The following ZNF782 variants were observed in gnomAD, a reference collection of about 807,000 sequenced individuals.
ZNF782 encodes the protein zinc finger protein 782.
In ZNF782, 12 loss-of-function variants were observed where a neutral mutation model predicts 13.0. The observed-to-expected ratio is 0.92, with a 90% CI of 0.59 to 1.50. The LOEUF is 1.50. Ranked by LOEUF, ZNF782 falls within the 40% of genes most tolerant of loss-of-function variation. The pLI, the probability that ZNF782 is intolerant of heterozygous loss-of-function variation, is 0.00. For missense variants in ZNF782, 770 were observed against 822.9 expected (o/e 0.94, Z 0.79); for synonymous variants, 284 against 283.0 (o/e 1.00, Z -0.04).
Position 96,862,993 on chromosome 9 carries a change from C to T in ZNF782, c.-456-1390G>A, listed in dbSNP as rs115487288. ...CTCCAGAAGCAGTGGTGGCAGAGGC[C>T]AGCTCCAAGATGCCCAGTTCTACAC... On this transcript the variant is annotated intron_variant, in intron 1 of 5. Coordinates refer to the ZNF782 transcript ENST00000498811. Among the ~76,000 whole-genome samples, 791 of 151,992 alleles carry T rather than the reference C, an allele frequency of 5.2e-3. 10 individuals carry two copies. The highest frequency in any genetic ancestry group is 0.017 in the African/African-American group (695 of 41,420).
chr9:96,832,766 T>C (rs1190370373), intron 4 of ZNF782, among the ~76,000 whole-genome samples: 4 of 152,234 alleles, frequency 2.6e-5, no homozygotes, highest in Admixed American at 2.6e-4. Context: ...TCTTTAGTTG[T>C]CAGAAGTTTC....
Position 96,819,194 on chromosome 9 carries a change from C to T in ZNF782, c.829G>A (p.Gly277Arg), listed in dbSNP as rs1460887434. Residue 277 changes from glycine to arginine, a missense_variant, in exon 6 of 6, where the codon GGA (glycine) becomes AGA (arginine). Physicochemically the swap from Gly to Arg is moderately radical, Grantham distance 125. Coordinates refer to ENST00000481138, the MANE Select transcript of ZNF782 (RefSeq NM_001001662.3). ...EKSHYEFNDT[G>R]NCFCRITHKT... is the part of the protein sequence containing the mutation. Reference sequence around the variant, plus strand: ...TGAGTGATTCTACAGAAACAATTTCCAGTATCATTAAACTCATAGTGACTC... The same window carrying T: ...TGAGTGATTCTACAGAAACAATTTCTAGTATCATTAAACTCATAGTGACTC... The T allele has an allele frequency of 1.2e-6, 2 of 1,611,436 alleles. No homozygotes were observed.
chr9:96,903,413 G>GT, the ZNF782 span, among the ~76,000 whole-genome samples: 2 of 151,688 alleles, frequency 1.3e-5, no homozygotes, highest in Non-Finnish European at 2.9e-5. Context: ...CTGTATGGAT[G>GT]TACCAAAGAT....
chr9:96,819,820 C>A (rs1209437358), intron 5 of ZNF782, 42 bp from the exon 6 acceptor site: 1 of 1,472,322 alleles, frequency 6.8e-7, no homozygotes, highest in Non-Finnish European at 9.1e-7. Context: ...ATATTTAACA[C>A]ATTTCTTATG....
intron 1 of ZNF782, among the ~76,000 whole-genome samples, chr9:96,868,228 T>C (rs1181204041): frequency 6.6e-6 from 1 of 152,374 alleles, no homozygotes; most frequent in Admixed American, 6.5e-5. Context: ...AGGATTTCCC[T>C]GTAGGGGGAG....
intron 1 of ZNF782, among the ~76,000 whole-genome samples, chr9:96,867,022 G>T (rs1851763310): frequency 6.6e-6 from 1 of 152,196 alleles, no homozygotes; most frequent in African/African-American, 2.4e-5. Flanking sequence ...GACTTGCCTT[G>T]TCTCAGATGA....
upstream of ZNF782, among the ~76,000 whole-genome samples, chr9:96,858,633 G>A (rs1303569977): frequency 6.6e-6 from 1 of 152,188 alleles, no homozygotes. The surrounding 1 kb of genome is among the most constrained non-coding windows in gnomAD (Gnocchi z 4.4). Flanking sequence ...TGTGGGTGAC[G>A]CTTAGGAAAA....
intron 4 of ZNF782, among the ~76,000 whole-genome samples, chr9:96,843,365 G>A (rs1321375287): frequency 3.3e-5 from 5 of 152,112 alleles, no homozygotes; most frequent in African/African-American, 7.2e-5. Flanking sequence ...AATGAACTAC[G>A]GATACACTAC....
chr9:96,927,370 C>T, the ZNF782 span, among the ~76,000 whole-genome samples: 2 of 151,772 alleles, frequency 1.3e-5, no homozygotes, highest in Admixed American at 6.6e-5. Context: ...AAGAAAAAGA[C>T]GGTGTTCTGC....
the ZNF782 span, among the ~76,000 whole-genome samples, chr9:96,907,504 A>G: frequency 1.3e-5 from 2 of 152,300 alleles, no homozygotes; most frequent in Non-Finnish European, 2.9e-5. Flanking sequence ...CATGTAGTTT[A>G]CCGCAATTTA....
intron 4 of ZNF782, among the ~76,000 whole-genome samples, chr9:96,828,816 C>T (rs1055321733): frequency 1.3e-5 from 2 of 151,836 alleles, no homozygotes; most frequent in Admixed American, 6.6e-5. Context: ...TATATAAACC[C>T]TCAGATCCAA....
At chr9:96,822,006 G>T (rs1436659128) in intron 5 of ZNF782, among the ~76,000 whole-genome samples, 2 of 152,110 alleles carry the variant, frequency 1.3e-5, no homozygotes, top group Admixed American at 1.3e-4. Flanking sequence ...ATTTTATTCA[G>T]CTTTGTTCTC....
At chr9:96,830,583 C>T (rs1346040971) in intron 4 of ZNF782, among the ~76,000 whole-genome samples, 3 of 152,096 alleles carry the variant, frequency 2.0e-5, no homozygotes, top group Non-Finnish European at 4.4e-5. Context: ...TAAGGCAGCA[C>T]CCCCCAACCT....
At chr9:96,847,832 A>T (rs931526769) in intron 3 of ZNF782, among the ~76,000 whole-genome samples, 7 of 152,190 alleles carry the variant, frequency 4.6e-5, no homozygotes, top group Admixed American at 1.3e-4. Context: ...TGAAGCCAGT[A>T]TCACCCTGAT....
intron 5 of ZNF782, among the ~76,000 whole-genome samples, chr9:96,821,564 G>GA (rs1487883714): frequency 6.6e-6 from 1 of 151,768 alleles, no homozygotes; most frequent in African/African-American, 2.4e-5. Flanking sequence ...GATTTTTTAA[G>GA]AAAAAATTAT....
At chr9:96,868,281 T>A (rs1003540786) in intron 1 of ZNF782, among the ~76,000 whole-genome samples, 2 of 152,232 alleles carry the variant, frequency 1.3e-5, no homozygotes, top group Middle Eastern at 3.2e-3. Flanking sequence ...CTGAAAACTT[T>A]CCTGTATTTT....
At chr9:96,871,134 A>G (rs1588177152) in intron 1 of ZNF782, among the ~76,000 whole-genome samples, 2 of 152,312 alleles carry the variant, frequency 1.3e-5, no homozygotes, top group Admixed American at 6.5e-5. Flanking sequence ...TCCAGTGGTA[A>G]TAAAAAATGA....
the ZNF782 span, chr9:96,893,424 T>C: frequency 1.3e-5 from 2 of 152,232 alleles, no homozygotes; most frequent in East Asian, 1.9e-4. Flanking sequence ...TTTTACACTG[T>C]TGGTGGGACT....
At chr9:96,903,398 A>G in the ZNF782 span, among the ~76,000 whole-genome samples, 2 of 151,714 alleles carry the variant, frequency 1.3e-5, no homozygotes, top group Non-Finnish European at 2.9e-5. Context: ...GTAGTCTTCC[A>G]TTCACTGTAT....
Sources: allele counts gnomAD v4.1 joint callset (sites outside exome capture counted in the v4.1 genomes callset), GRCh38; gene constraint gnomAD v4.1.1; non-coding constraint Gnocchi (gnomAD v3.1); transcripts MANE v1.5; gene names NCBI Gene and HGNC (gene_info 2026-07-23, HGNC 2026-07-21).